Variants in KCNK13 observed in about 807,000 individuals in gnomAD.
KCNK13 encodes the protein potassium channel subfamily K member 13.
A neutral mutation model predicts 23.4 loss-of-function variants in KCNK13; 12 were observed. The observed-to-expected ratio is 0.51, with a 90% CI of 0.33 to 0.83. The LOEUF is 0.83. Ranked by LOEUF, KCNK13 falls within the 40% of genes least tolerant of loss-of-function variation. The pLI, the probability that KCNK13 is intolerant of heterozygous loss-of-function variation, is 0.02. For synonymous variants in KCNK13, 231 were observed against 229.5 expected (o/e 1.01, Z -0.06); for missense variants, 463 against 556.3 (o/e 0.83, Z 1.69).
At chr14:90,065,738 C>T (rs1014310610) in intron 1 of KCNK13, among the ~76,000 whole-genome samples, 1 of 152,168 alleles carries the variant, frequency 6.6e-6, no homozygotes, top group African/African-American at 2.4e-5. Flanking sequence ...TATTTTCTTT[C>T]ATGGACAGCC....
At position 90,162,118 on chromosome 14, in the gene KCNK13, T is replaced by C. The variant is rs540467182; in HGVS notation, c.335-21993T>C. Among the ~76,000 whole-genome samples, 4 of 152,262 alleles carry C rather than the reference T, an allele frequency of 2.6e-5. No individual in the cohort carries two copies. In the South Asian group the frequency reaches 8.3e-4, roughly 32 times the overall value. On this transcript the variant is annotated intron_variant, in intron 1 of 1. Coordinates refer to ENST00000282146, the MANE Select transcript of KCNK13 (RefSeq NM_022054.4). ...TCACTTGAGCCTGGGAGGGCGAGGCTGCAGTGAGCTGTAATTGACCACTGC... is the reference window on the plus strand; with the variant it reads ...TCACTTGAGCCTGGGAGGGCGAGGCCGCAGTGAGCTGTAATTGACCACTGC...
chr14:90,089,846 C>CT (rs1889321731), intron 1 of KCNK13, among the ~76,000 whole-genome samples: 3 of 152,200 alleles, frequency 2.0e-5, no homozygotes, highest in Admixed American at 6.5e-5. Flanking sequence ...GGGTGCAAGC[C>CT]CCAAGCCTTG....
chr14:90,147,404 C>T (rs1327349377), intron 1 of KCNK13, among the ~76,000 whole-genome samples: 2 of 144,630 alleles, frequency 1.4e-5, no homozygotes, highest in Non-Finnish European at 3.0e-5. Flanking sequence ...CATGCTACCA[C>T]ACCTGGCTTG....
At chr14:90,128,061 A>G (rs1200384920) in intron 1 of KCNK13, among the ~76,000 whole-genome samples, 1 of 152,150 alleles carries the variant, frequency 6.6e-6, no homozygotes, top group Non-Finnish European at 1.5e-5. Context: ...TTTCCACAAT[A>G]GGATTGGAGG....
At chr14:90,129,408 G>A (rs796308259) in intron 1 of KCNK13, among the ~76,000 whole-genome samples, 19 of 152,240 alleles carry the variant, frequency 1.2e-4, no homozygotes, top group African/African-American at 3.9e-4. Flanking sequence ...TGCTCGGGAA[G>A]AACACATATG....
At chr14:90,108,816 T>C (rs1284923365) in intron 1 of KCNK13, among the ~76,000 whole-genome samples, 4 of 152,128 alleles carry the variant, frequency 2.6e-5, no homozygotes, top group Admixed American at 6.5e-5. Flanking sequence ...TGTAAAACAT[T>C]GAGAAAACTT....
chr14:90,103,064 G>GA (rs1889500911), intron 1 of KCNK13, among the ~76,000 whole-genome samples: 1 of 152,108 alleles, frequency 6.6e-6, no homozygotes, highest in African/African-American at 2.4e-5. Flanking sequence ...ATACACTTAG[G>GA]ATTATGACTG....
At chr14:90,070,484 C>T (rs1399087614) in intron 1 of KCNK13, among the ~76,000 whole-genome samples, 1 of 152,164 alleles carries the variant, frequency 6.6e-6, no homozygotes, top group African/African-American at 2.4e-5. Context: ...TTAAAGATTT[C>T]GACCCTGTCT....
intron 1 of KCNK13, among the ~76,000 whole-genome samples, chr14:90,090,766 G>A (rs1474517112): frequency 1.3e-5 from 2 of 152,188 alleles, no homozygotes; most frequent in East Asian, 1.9e-4. Flanking sequence ...TCTCGTGATA[G>A]TGAATGTGTC....
At chr14:90,094,576 C>T (rs1050585101) in intron 1 of KCNK13, among the ~76,000 whole-genome samples, 1 of 151,916 alleles carries the variant, frequency 6.6e-6, no homozygotes, top group African/African-American at 2.4e-5. Flanking sequence ...AGGGGCAGCA[C>T]AGCACCACTG....
At chr14:90,133,226 G>A (rs972787620) in intron 1 of KCNK13, among the ~76,000 whole-genome samples, 1 of 152,150 alleles carries the variant, frequency 6.6e-6, no homozygotes, top group African/African-American at 2.4e-5. Context: ...TTTTGTACGT[G>A]ACAAATCAGG....
intron 1 of KCNK13, among the ~76,000 whole-genome samples, chr14:90,113,471 T>C: frequency 6.6e-6 from 1 of 152,156 alleles, no homozygotes; most frequent in African/African-American, 2.4e-5. Flanking sequence ...ACCTGATGAC[T>C]GAATCAATGC....
intron 1 of KCNK13, among the ~76,000 whole-genome samples, chr14:90,098,614 C>T (rs1249531670): frequency 6.6e-6 from 1 of 151,014 alleles, no homozygotes; most frequent in Non-Finnish European, 1.5e-5. Context: ...GATCATGCCA[C>T]TGCACTCCAT....
chr14:90,083,711 C>G (rs1889239677), intron 1 of KCNK13, among the ~76,000 whole-genome samples: 1 of 152,188 alleles, frequency 6.6e-6, no homozygotes, highest in African/African-American at 2.4e-5. Flanking sequence ...CTGTCAGTGT[C>G]TTGATCTTGG....
At chr14:90,135,053 T>C (rs4462529) in intron 1 of KCNK13, among the ~76,000 whole-genome samples, 15,071 of 152,254 alleles carry the variant, frequency 0.099, 1,061 homozygotes, top group Admixed American at 0.25. Context: ...CAATAGATAC[T>C]TTACATTGCA....
intron 1 of KCNK13, among the ~76,000 whole-genome samples, chr14:90,163,131 C>T (rs1281731104): frequency 6.6e-6 from 1 of 152,182 alleles, no homozygotes; most frequent in African/African-American, 2.4e-5. Context: ...TAACAATGAA[C>T]TCCACATCTG....
chr14:90,085,745 A>ATATACTTATATAATTATAT, intron 1 of KCNK13, among the ~76,000 whole-genome samples: 1 of 136,084 alleles, frequency 7.3e-6, no homozygotes, highest in South Asian at 2.2e-4. Context: ...ATACTTATAT[A>ATATACTTATATAATTATAT]ATTATATATT....
chr14:90,184,000 G>C, intron 1 of KCNK13, 111 bp from the exon 2 acceptor site: 1 of 940,632 alleles, frequency 1.1e-6, no homozygotes, highest in South Asian at 1.6e-5. Flanking sequence ...CTAAGGCTGA[G>C]TGATTTTATG....
At chr14:90,119,155 C>G (rs192008397) in intron 1 of KCNK13, among the ~76,000 whole-genome samples, 4 of 152,172 alleles carry the variant, frequency 2.6e-5, no homozygotes, top group Non-Finnish European at 5.9e-5. Flanking sequence ...AATAAATAGC[C>G]TACCAACCAA....
Sources: gnomAD v4.1 joint callset for allele counts (sites outside exome capture counted in the v4.1 genomes callset) on GRCh38, gnomAD v4.1.1 for gene constraint, MANE v1.5 for transcripts, NCBI Gene and HGNC (gene_info 2026-07-23, HGNC 2026-07-21) for gene names.